Variants in CDC27 observed in about 807,000 individuals in gnomAD.
CDC27 encodes cell division cycle protein 27 homolog.
A neutral mutation model predicts 109.7 loss-of-function variants in CDC27; 27 were observed. The observed-to-expected ratio is 0.25, with a 90% confidence interval of 0.18 to 0.34. The LOEUF is 0.34. Ranked by LOEUF, CDC27 falls within the 10% of genes least tolerant of loss-of-function variation. The probability of loss-of-function intolerance (pLI) is 1.00; values close to 1 mark genes in which losing one functional copy is unlikely to be tolerated. For synonymous variants in CDC27, 266 were observed against 333.9 expected (o/e 0.80, Z 2.22); for missense variants, 579 against 960.2 (o/e 0.60, Z 5.25).
At chr17:47,121,339 A>G (rs1181812739) in intron 18 of CDC27, among the ~76,000 whole-genome samples, 15 of 152,086 alleles carry the variant, frequency 9.9e-5, no homozygotes, top group African/African-American at 3.4e-4. Context: ...CATTTCCCCC[A>G]ACCTCCAATC....
At position 47,157,087 on chromosome 17, in the gene CDC27, T is replaced by G; in HGVS notation, c.668A>C (p.Lys223Thr). The change falls in exon 7 of 19, where the codon AAG (lysine) becomes ACG (threonine). Residue 223 changes from lysine (K) to threonine (T), a missense_variant. Around this residue, in one of 9 missense-constraint regions of CDC27, gnomAD observed 57 missense variants for 59.0 expected, o/e 0.97. Transcript: ENST00000066544. ...NRLNLESSNS[K>T]YSLNTDSSVS... The stretch of plus-strand genomic sequence containing the variant: ...TGAGGAATCTGTATTCAAGGAGTAC[T>G]TTGAATTGGAAGATTCTAAATTCAA... 6.3e-7 allele frequency: 1 copy of G among 1,588,098 alleles called. No homozygotes were observed. Among genetic ancestry groups the G allele is most frequent in the Non-Finnish European group, 8.6e-7 (1 of 1,166,846 alleles).
chr17:47,132,824 C>A (rs981828482), intron 14 of CDC27, among the ~76,000 whole-genome samples: 1 of 144,540 alleles, frequency 6.9e-6, no homozygotes, highest in African/African-American at 2.5e-5. Context: ...GGCTGGAGTG[C>A]AGTGGCTCAA....
At position 47,142,282 on chromosome 17, in the gene CDC27, A is replaced by G. The variant is rs1477491610; in HGVS notation, c.1325T>C (p.Ile442Thr). The change falls in exon 11 of 19, where the codon ATA (isoleucine) becomes ACA (threonine). Residue 442 changes from isoleucine (I) to threonine (T), a missense_variant. Physicochemically the swap from Ile to Thr is moderately conservative, Grantham distance 89. This residue lies in a region of CDC27 where 58 missense variants were observed against 116.6 expected (regional missense o/e 0.50). Coordinates refer to ENST00000066544, the MANE Select transcript of CDC27 (RefSeq NM_001256.6). ...CTGAATCTGAGGTGTGATTGTGGAT[A>G]TTTTCCCTTCTGAAATGATGGAAGA... ...LDSSIISEGKISTITPQIQAF... is the reference protein window; with the variant it reads ...LDSSIISEGKTSTITPQIQAF... 6.2e-7 allele frequency: 1 copy of G among 1,606,290 alleles called. No individual in the cohort carries two copies. The highest frequency in any genetic ancestry group is 8.5e-7 in the Non-Finnish European group (1 of 1,174,786).
chr17:47,174,359 T>C (rs1397393540), intron 2 of CDC27, among the ~76,000 whole-genome samples: 1 of 152,200 alleles, frequency 6.6e-6, no homozygotes, highest in Non-Finnish European at 1.5e-5. Context: ...TGAAATGCCA[T>C]GTTCAGAAAA....
intron 4 of CDC27, among the ~76,000 whole-genome samples, chr17:47,164,241 C>T (rs2063578600): frequency 6.6e-6 from 1 of 152,176 alleles, no homozygotes; most frequent in African/African-American, 2.4e-5. Context: ...GCTACACCAT[C>T]TAGGTTTGTG....
intron 15 of CDC27, among the ~76,000 whole-genome samples, chr17:47,130,090 G>A (rs1265187354): frequency 2.6e-5 from 4 of 152,070 alleles, no homozygotes; most frequent in African/African-American, 7.2e-5. Flanking sequence ...GGCCAGGTGC[G>A]GTGACTCAGG....
chr17:47,137,807 T>C (rs1254471193), intron 13 of CDC27, among the ~76,000 whole-genome samples: 1 of 143,612 alleles, frequency 7.0e-6, no homozygotes, highest in African/African-American at 2.8e-5. Context: ...TTCTCTCTCT[T>C]TTTTTTTTTT....
chr17:47,159,653 A>G (rs2063432692), intron 4 of CDC27: 1 of 447,902 alleles, frequency 2.2e-6, no homozygotes, highest in South Asian at 2.3e-5. Flanking sequence ...GGAGCATTTA[A>G]CACCCAGACC....
intron 4 of CDC27, among the ~76,000 whole-genome samples, chr17:47,169,031 A>G (rs1203935096): frequency 7.6e-6 from 1 of 130,808 alleles, no homozygotes; most frequent in Non-Finnish European, 1.6e-5. Context: ...TCGCTCTGTT[A>G]CCCAGGCTGG....
chr17:47,159,253 C>A (rs148688644), intron 4 of CDC27: 1 of 533,870 alleles, frequency 1.9e-6, no homozygotes, highest in South Asian at 3.7e-5. Context: ...TGGGTCTTGA[C>A]GAGGTGGTCA....
In CDC27 at chr17:47,132,505, A is replaced by G. The variant is rs146488360; in HGVS notation, c.1914-131T>C. On this transcript the variant is annotated intron_variant, in intron 14 of 18. Coordinates refer to ENST00000066544, the MANE Select transcript of CDC27 (RefSeq NM_001256.6). ...AGTGGAATACTGGTGGTCTTAGAGGAGAGGCAAAAAATACCAGTTATGATA... is the reference window on the plus strand; with the variant it reads ...AGTGGAATACTGGTGGTCTTAGAGGGGAGGCAAAAAATACCAGTTATGATA... The G allele has an allele frequency of 6.4e-4, 261 of 406,416 alleles. 1 individual carries two copies. Among genetic ancestry groups the G allele is most frequent in the African/African-American group, 4.7e-3 (228 of 48,678 alleles). The allele number at this position is 406,416 out of a possible 1,614,324, so 25.2% of individuals were successfully genotyped here.
chr17:47,121,009 C>G lies in CDC27; in HGVS notation c.2401G>C (p.Asp801His). The G allele has an allele frequency of 6.2e-7, 1 of 1,608,736 alleles. No individual in the cohort carries two copies. Among genetic ancestry groups the G allele is most frequent in the Non-Finnish European group, 8.5e-7 (1 of 1,176,092 alleles). Residue 801 changes from aspartate to histidine, a missense_variant, in exon 19 of 19, where the codon GAT becomes CAT. Physicochemically the swap from Asp to His is moderately conservative, Grantham distance 81 (BLOSUM62 -1). Around this residue, in one of 9 missense-constraint regions of CDC27, gnomAD observed 227 missense variants for 363.6 expected, o/e 0.62. Coordinates refer to ENST00000066544, the MANE Select transcript of CDC27 (RefSeq NM_001256.6). ...GTCATGCTGCTCTCCTGGGATTCATCTGTTCCCACTTTAAAAATAAAACAG... is the reference window on the plus strand; with the variant it reads ...GTCATGCTGCTCTCCTGGGATTCATGTGTTCCCACTTTAAAAATAAAACAG... ...ITQEEQIMGT[D>H]ESQESSMTDA...
intron 5 of CDC27, among the ~76,000 whole-genome samples, chr17:47,157,894 A>G (rs943154711): frequency 6.6e-6 from 1 of 152,182 alleles, no homozygotes; most frequent in African/African-American, 2.4e-5. Context: ...TAGAAATTTT[A>G]TTAATTTTCT....
At chr17:47,171,483 T>C (rs913839805) in intron 3 of CDC27, among the ~76,000 whole-genome samples, 1 of 152,314 alleles carries the variant, frequency 6.6e-6, no homozygotes. Context: ...AAATTTGGTA[T>C]AGGGACAGCT....
At chr17:47,142,138 AC>A in intron 11 of CDC27, 90 bp downstream of exon 11, 2 of 1,115,288 alleles carry the variant, frequency 1.8e-6, no homozygotes, top group Non-Finnish European at 1.3e-6. Flanking sequence ...TATATAAAAA[AC>A]AATGAAGGTA....
chr17:47,172,111 T>C lies in CDC27; in HGVS notation c.104-47A>G, dbSNP rs182288360. 5.4e-3 allele frequency: 6,932 copies of C among 1,294,254 alleles called. 20 individuals are homozygous for C. The highest frequency in any genetic ancestry group is 6.5e-3 in the Non-Finnish European group (6,331 of 970,350). The allele number at this position is 1,294,254 out of a possible 1,614,324, so 80.2% of individuals were successfully genotyped here. ...AAAGGCTATTGTTCAGTATATTGAA[T>C]GATAATCAGTTTATCATGCAATAAA... On this transcript the variant is annotated intron_variant, in intron 2 of 18. Coordinates refer to ENST00000066544, the MANE Select transcript of CDC27 (RefSeq NM_001256.6).
chr17:47,182,524 AC>A (rs2064282360), intron 1 of CDC27, among the ~76,000 whole-genome samples: 1 of 152,208 alleles, frequency 6.6e-6, no homozygotes, highest in African/African-American at 2.4e-5. Flanking sequence ...ACAATTTTAT[AC>A]ATTTGTACAT....
At chr17:47,147,196 C>A (rs370555651) in intron 9 of CDC27, among the ~76,000 whole-genome samples, 2 of 150,892 alleles carry the variant, frequency 1.3e-5, no homozygotes, top group Non-Finnish European at 3.0e-5. Context: ...GTCAGGAGAT[C>A]GAGACCATCC....
intron 2 of CDC27, among the ~76,000 whole-genome samples, chr17:47,178,706 T>C (rs1457401366): frequency 6.6e-6 from 1 of 152,162 alleles, no homozygotes; most frequent in Non-Finnish European, 1.5e-5. Context: ...AAACAGATAT[T>C]TCTCTTCTAT....
Sources: allele counts gnomAD v4.1 joint callset (sites outside exome capture counted in the v4.1 genomes callset), GRCh38; gene constraint gnomAD v4.1.1; regional missense constraint gnomAD v4.1.1; transcripts MANE v1.5; gene names NCBI Gene and HGNC (gene_info 2026-07-23, HGNC 2026-07-21).